SOX5: variants seen among roughly 807,000 people sequenced by gnomAD.
The protein encoded by SOX5 is SRY-box transcription factor 5.
SOX5 carries 9 observed loss-of-function variants against 92.0 expected under a neutral mutation model. That is an observed-to-expected ratio of 0.10 (90% CI 0.06 to 0.17). SOX5 has a LOEUF of 0.17. SOX5 is among the 10% of genes least tolerant of loss of function. The pLI is 1.00. For missense variants in SOX5, 642 were observed against 944.5 expected, an observed-to-expected ratio of 0.68 and a Z score of 4.20; for synonymous variants, 344 against 336.3, an observed-to-expected ratio of 1.02 and a Z score of -0.25.
chr12:23,884,257 C>A (rs1380564652), intron 2 of SOX5, among the ~76,000 whole-genome samples: 2 of 152,222 alleles, frequency 1.3e-5, no homozygotes, highest in African/African-American at 4.8e-5. Context: ...CCATAATTTG[C>A]CAAATGCCAT....
At chr12:23,951,342 C>T (rs993946363), upstream of SOX5, among the ~76,000 whole-genome samples, 6 of 151,810 alleles carry the variant, frequency 4.0e-5, no homozygotes, top group African/African-American at 1.5e-4. Context: ...CCCTCCACTC[C>T]TTCCAACTTC....
At chr12:23,890,117 C>T (rs1443874610) in intron 2 of SOX5, among the ~76,000 whole-genome samples, 2 of 152,068 alleles carry the variant, frequency 1.3e-5, no homozygotes, top group African/African-American at 4.8e-5. Context: ...GTCAGGAGTT[C>T]GAGACCAGCC....
At chr12:24,281,690 A>C (rs1367283292) in intron 2 of SOX5, among the ~76,000 whole-genome samples, 4 of 152,264 alleles carry the variant, frequency 2.6e-5, no homozygotes, top group African/African-American at 9.6e-5. Context: ...ATCAATAAGC[A>C]ATGCAAATGC....
intron 8 of SOX5, among the ~76,000 whole-genome samples, chr12:23,610,137 C>G (rs1358887846): frequency 5.3e-5 from 8 of 152,144 alleles, no homozygotes; most frequent in Admixed American, 5.2e-4. Context: ...ATCAATCATG[C>G]TTTTATGAAG....
intron 4 of SOX5, among the ~76,000 whole-genome samples, chr12:24,209,713 G>T (rs1487067129): frequency 6.6e-6 from 1 of 152,102 alleles, no homozygotes; most frequent in Non-Finnish European, 1.5e-5. Flanking sequence ...TGATAGAAAT[G>T]ACACTTTTAG....
At chr12:23,971,599 A>C (rs1366885978) in intron 4 of SOX5, among the ~76,000 whole-genome samples, 2 of 151,332 alleles carry the variant, frequency 1.3e-5, no homozygotes, top group Non-Finnish European at 2.9e-5. Flanking sequence ...CAATAGCTTC[A>C]TACTTTTTTC....
chr12:23,914,979 A>G (rs568461028), intron 1 of SOX5, among the ~76,000 whole-genome samples: 4 of 152,264 alleles, frequency 2.6e-5, no homozygotes, highest in African/African-American at 9.6e-5. Flanking sequence ...AACATAAAGC[A>G]TAATAAATCA....
Position 24,212,587 on chromosome 12 carries a change from A to G in SOX5, c.-2+756T>C. ...AGCAATAATAGTGAGAGTTGTGAGC[A>G]TTGTTGAAACAACCAAGACACTTCC... is the stretch of plus-strand genomic sequence containing the variant. On this transcript the variant is annotated intron_variant, in intron 4 of 4. Coordinates refer to the SOX5 transcript ENST00000446891. 6.3e-6 allele frequency: 3 copies of G among 474,996 alleles called. 1 individual carries two copies. The highest frequency in any genetic ancestry group is 4.9e-5 in the South Asian group (3 of 61,582). The allele number at this position is 474,996 out of a possible 1,614,324, so 29.4% of individuals were successfully genotyped here. A position where few individuals can be genotyped will look rare whatever the true frequency, so the allele number is the denominator to read the frequency against.
At chr12:23,573,271 G>A (rs981772336) in intron 10 of SOX5, among the ~76,000 whole-genome samples, 8 of 151,960 alleles carry the variant, frequency 5.3e-5, no homozygotes, top group African/African-American at 1.9e-4. Flanking sequence ...CTTAGAAAAA[G>A]ATGAGTTTAT....
chr12:23,607,545 T>A (rs1428715792), intron 8 of SOX5, among the ~76,000 whole-genome samples: 10 of 152,224 alleles, frequency 6.6e-5, no homozygotes, highest in Non-Finnish European at 1.2e-4. Context: ...CATTAAAATA[T>A]GTGTAGTGAA....
chr12:23,741,186 G>A (rs958950998), intron 4 of SOX5, 147 bp from the exon 5 acceptor site: 12 of 550,074 alleles, frequency 2.2e-5, no homozygotes, highest in African/African-American at 5.8e-5. Flanking sequence ...ACATTTTCAC[G>A]CAACAGTAAA....
chr12:23,651,132 C>G (rs79230022), intron 7 of SOX5, among the ~76,000 whole-genome samples: 1 of 151,936 alleles, frequency 6.6e-6, no homozygotes, highest in Non-Finnish European at 1.5e-5. Context: ...TGAATAATTA[C>G]TTGTTCTCCC....
chr12:24,076,078 G>A (rs1942548956), intron 4 of SOX5, among the ~76,000 whole-genome samples: 1 of 152,186 alleles, frequency 6.6e-6, no homozygotes, highest in Admixed American at 6.5e-5. Context: ...CCTGTAGAAT[G>A]AGAGAGTGTT....
intron 6 of SOX5, among the ~76,000 whole-genome samples, chr12:23,712,277 T>A (rs2092125144): frequency 6.6e-6 from 1 of 152,214 alleles, no homozygotes. Context: ...ATTCACATGG[T>A]CAGGAGTCTA....
intron 4 of SOX5, among the ~76,000 whole-genome samples, chr12:24,000,932 C>T (rs945123387): frequency 2.0e-5 from 3 of 152,110 alleles, no homozygotes; most frequent in Admixed American, 6.6e-5. Flanking sequence ...TATTATCAAA[C>T]ATTTGACCTA....
intron 2 of SOX5, among the ~76,000 whole-genome samples, chr12:24,297,520 T>A (rs1164278421): frequency 6.6e-6 from 1 of 152,196 alleles, no homozygotes; most frequent in African/African-American, 2.4e-5. Context: ...AAATTCCCAC[T>A]CTCTTCCTTA....
At chr12:23,770,285 C>T (rs760587649) in intron 3 of SOX5, among the ~76,000 whole-genome samples, 79 of 149,450 alleles carry the variant, frequency 5.3e-4, no homozygotes, top group Admixed American at 9.3e-4. Flanking sequence ...ACCCCCATTA[C>T]CCCACCCACC....
chr12:24,416,855 T>C (rs11047428), intron 1 of SOX5, among the ~76,000 whole-genome samples: 4,677 of 152,296 alleles, frequency 0.031, 232 homozygotes, highest in African/African-American at 0.1. Context: ...CCAGGTCTGA[T>C]CTGTCAATTT....
chr12:23,648,826 G>A (rs117598598), intron 7 of SOX5, among the ~76,000 whole-genome samples: 1 of 152,262 alleles, frequency 6.6e-6, no homozygotes, highest in Non-Finnish European at 1.5e-5. Context: ...TGGTGTCTAA[G>A]TGAATTGGGG....
Sources: gnomAD v4.1 joint callset for allele counts (sites outside exome capture counted in the v4.1 genomes callset) on GRCh38, gnomAD v4.1.1 for gene constraint, MANE v1.5 for transcripts, NCBI Gene and HGNC (gene_info 2026-07-23, HGNC 2026-07-21) for gene names.